The following TEKT5 variants were observed in gnomAD, a reference collection of about 807,000 sequenced individuals.
The protein encoded by TEKT5 is tektin-5.
A neutral mutation model predicts 48.7 loss-of-function variants in TEKT5; 52 were observed. That is an observed-to-expected ratio of 1.07 (90% CI 0.86 to 1.35). The LOEUF (loss-of-function observed/expected upper bound fraction) is 1.35, where lower values mean the gene tolerates loss of function less well. Ranked by LOEUF, TEKT5 falls within the 40% of genes most tolerant of loss-of-function variation. TEKT5 has a pLI of 0.00. For synonymous variants in TEKT5, 318 were observed against 267.6 expected (o/e 1.19, Z -1.84); for missense variants, 831 against 641.6 (o/e 1.30, Z -3.19).
chr16:10,649,548 C>A (rs148438546), intron 5 of TEKT5, among the ~76,000 whole-genome samples: 2,917 of 152,208 alleles, frequency 0.019, 96 homozygotes, highest in African/African-American at 0.067. Context: ...GATCCTCCCA[C>A]CTCAGCCTCC....
intron 5 of TEKT5, among the ~76,000 whole-genome samples, chr16:10,640,118 T>TTCCCACCCCCCG (rs1463418164): frequency 1.1e-5 from 1 of 91,474 alleles, no homozygotes; most frequent in African/African-American, 5.2e-5. Context: ...CCCGTCTTCC[T>TTCCCACCCCCCG]CCTCCCCCCT....
chr16:10,689,231 T>TAA (rs77020408), intron 3 of TEKT5, 22 bp downstream of exon 3: 75 of 1,383,492 alleles, frequency 5.4e-5, no homozygotes, highest in Middle Eastern at 2.0e-4. Context: ...GAGAGGGAAT[T>TAA]AAAAAAAAAA....
At chr16:10,648,000 G>C (rs1357073614) in intron 5 of TEKT5, among the ~76,000 whole-genome samples, 1 of 152,156 alleles carries the variant, frequency 6.6e-6, no homozygotes, top group Non-Finnish European at 1.5e-5. Context: ...TACGAGTACT[G>C]GCTACAAGTG....
intron 5 of TEKT5, among the ~76,000 whole-genome samples, chr16:10,641,989 C>A (rs574462718): frequency 3.3e-5 from 5 of 152,386 alleles, no homozygotes; most frequent in Admixed American, 1.3e-4. Context: ...TCCTTGAAAT[C>A]TCTCTTCCTG....
chr16:10,674,512 G>A (rs946327191), intron 5 of TEKT5, among the ~76,000 whole-genome samples: 20 of 149,454 alleles, frequency 1.3e-4, no homozygotes, highest in African/African-American at 4.9e-4. Flanking sequence ...GCACGCACAC[G>A]TAGTCTCAGC....
chr16:10,646,126 C>T (rs185733135), intron 5 of TEKT5, among the ~76,000 whole-genome samples: 264 of 150,186 alleles, frequency 1.8e-3, no homozygotes, highest in African/African-American at 6.2e-3. Flanking sequence ...CAGAGTAAGA[C>T]TCTGTCTCAA....
At position 10,681,980 on chromosome 16, in the gene TEKT5, G is replaced by T. The variant is rs1427961037; in HGVS notation, c.863+13C>A. The T allele has an allele frequency of 3.1e-6, 5 of 1,613,232 alleles. No individual in the cohort carries two copies. The South Asian group carries it at 3.3e-5, about 11-fold the overall frequency. The stretch of plus-strand genomic sequence containing the variant: ...GACACGCCAGGGATGGGGAGGGGGA[G>T]TCTGATACTTACGTGCCGTCAATTT... On this transcript the variant is annotated intron_variant, in intron 4 of 6. Transcript: ENST00000283025.
chr16:10,672,815 A>G (rs1898570872), intron 5 of TEKT5, among the ~76,000 whole-genome samples: 1 of 150,356 alleles, frequency 6.7e-6, no homozygotes, highest in East Asian at 1.9e-4. Context: ...GCCTGCATTA[A>G]CTCAATCCTC....
chr16:10,661,168 T>C (rs1275110017), intron 5 of TEKT5, among the ~76,000 whole-genome samples: 1 of 152,200 alleles, frequency 6.6e-6, no homozygotes, highest in African/African-American at 2.4e-5. Context: ...TAAAACTATT[T>C]ACAAAAACAG....
intron 6 of TEKT5, among the ~76,000 whole-genome samples, chr16:10,632,137 AC>A (rs1897848665): frequency 6.6e-6 from 1 of 152,192 alleles, no homozygotes; most frequent in South Asian, 2.1e-4. Flanking sequence ...GGAAACTTCC[AC>A]CAGCTCTGTC....
intron 6 of TEKT5, among the ~76,000 whole-genome samples, chr16:10,631,968 T>A (rs1897846904): frequency 6.6e-6 from 1 of 152,186 alleles, no homozygotes; most frequent in Non-Finnish European, 1.5e-5. Context: ...CAAGGTGAGC[T>A]GTGATGGTGG....
intron 3 of TEKT5, among the ~76,000 whole-genome samples, chr16:10,682,646 A>T (rs143240011): frequency 1.3e-5 from 2 of 152,310 alleles, no homozygotes; most frequent in African/African-American, 4.8e-5. Flanking sequence ...CCTTTAGAAG[A>T]AGGATGGGTA....
intron 5 of TEKT5, among the ~76,000 whole-genome samples, chr16:10,650,624 C>G (rs933178813): frequency 1.3e-5 from 2 of 151,950 alleles, no homozygotes; most frequent in African/African-American, 4.8e-5. Flanking sequence ...TGGCTCACGC[C>G]TGTAATCCCA....
rs1358710875 is a variant in TEKT5 at position 10,688,712 on chromosome 16, C to T, written c.719+541G>A. On this transcript the variant is annotated intron_variant, in intron 3 of 6. Transcript: ENST00000283025. ...AGTCTCCCTTTAATTATGTGAGGGG[C>T]CCCCAGGCTTGTCGGGATACTGGTT... is the stretch of plus-strand genomic sequence containing the variant. Among the ~76,000 whole-genome samples, 10 of 152,304 alleles carry T rather than the reference C, an allele frequency of 6.6e-5. No homozygotes were observed. In the South Asian group the frequency reaches 1.9e-3, roughly 28 times the overall value.
intron 5 of TEKT5, among the ~76,000 whole-genome samples, chr16:10,648,574 C>T (rs540318065): frequency 1.3e-3 from 191 of 152,272 alleles, no homozygotes; most frequent in Non-Finnish European, 2.3e-3. Context: ...TCGAGTGATC[C>T]GCCTATCTCG....
intron 6 of TEKT5, among the ~76,000 whole-genome samples, chr16:10,632,467 TG>T (rs1273534542): frequency 6.6e-6 from 1 of 152,066 alleles, no homozygotes; most frequent in African/African-American, 2.4e-5. Context: ...GGCTAATTTT[TG>T]TATTTTTTGT....
rs571516290 is a variant in TEKT5 at position 10,643,475 on chromosome 16, G to A, written c.1087-7557C>T. Among the ~76,000 whole-genome samples the A allele has an allele frequency of 8.5e-5, 13 of 152,226 alleles. No homozygotes were observed. In the East Asian group the frequency reaches 2.5e-3, roughly 29 times the overall value. Reference sequence around the variant, plus strand: ...ATACACTGTGTTTTAAAACAATGAGGCCAGCTCTTCACATACTATTCATGC... The same window carrying A: ...ATACACTGTGTTTTAAAACAATGAGACCAGCTCTTCACATACTATTCATGC... On this transcript the variant is annotated intron_variant, in intron 5 of 6. Coordinates refer to ENST00000283025, the MANE Select transcript of TEKT5 (RefSeq NM_144674.2).
At chr16:10,685,647 T>C (rs561356157) in intron 3 of TEKT5, among the ~76,000 whole-genome samples, 3 of 152,310 alleles carry the variant, frequency 2.0e-5, no homozygotes, top group Admixed American at 1.3e-4. Context: ...TGCCTTTCTC[T>C]GTCTCTATCT....
chr16:10,694,277 C>T (rs1163027779), intron 1 of TEKT5, 33 bp downstream of exon 1: 2 of 1,521,048 alleles, frequency 1.3e-6, no homozygotes, highest in Middle Eastern at 1.8e-4. Flanking sequence ...CCCCAGGACA[C>T]AGCCACAGCC....
Sources: gnomAD v4.1 joint callset for allele counts (sites outside exome capture counted in the v4.1 genomes callset) on GRCh38, gnomAD v4.1.1 for gene constraint, MANE v1.5 for transcripts, NCBI Gene and HGNC (gene_info 2026-07-23, HGNC 2026-07-21) for gene names.